Variants in PDZD8 observed in about 807,000 individuals in gnomAD.
PDZD8 encodes the protein PDZ domain-containing protein 8.
A neutral mutation model predicts 85.8 loss-of-function variants in PDZD8; 14 were observed. The ratio of observed to expected loss-of-function variants is 0.16; its 90% CI spans 0.11 to 0.26. PDZD8 has a LOEUF of 0.26. Among genes scored for constraint, PDZD8 ranks in the 10% least tolerant of loss-of-function variants. PDZD8 has a pLI of 1.00. For synonymous variants in PDZD8, 592 were observed against 568.6 expected (o/e 1.04, Z -0.59); for missense variants, 1,197 against 1,424.3 (o/e 0.84, Z 2.57).
At chr10:117,337,671 C>T (rs1399269369) in intron 2 of PDZD8, among the ~76,000 whole-genome samples, 1 of 152,068 alleles carries the variant, frequency 6.6e-6, no homozygotes, top group Non-Finnish European at 1.5e-5. Flanking sequence ...GATACTGCAA[C>T]GATTATCTTG....
At chr10:117,359,681 A>C (rs1844963156) in intron 1 of PDZD8, among the ~76,000 whole-genome samples, 1 of 152,192 alleles carries the variant, frequency 6.6e-6, no homozygotes, top group Non-Finnish European at 1.5e-5. Context: ...ACTACACTCC[A>C]ACCTGGGTGA....
rs1459274426 is a variant in PDZD8 at position 117,375,342 on chromosome 10, C to A, written c.-115G>T. ...CATCGGGCGGCTGGGTCGGGGCGAGCGGCTCCGTGGGCCTCGTCCAGGGGC... is the reference window on the plus strand; with the variant it reads ...CATCGGGCGGCTGGGTCGGGGCGAGAGGCTCCGTGGGCCTCGTCCAGGGGC... On this transcript the variant is annotated 5_prime_UTR_variant, in exon 1 of 5. Transcript: ENST00000334464. 1.0e-5 allele frequency: 10 copies of A among 983,626 alleles called. No homozygotes were observed. Among genetic ancestry groups the A allele is most frequent in the Middle Eastern group, 6.8e-4 (2 of 2,932 alleles). 60.9% of individuals were successfully genotyped at this position (983,626 alleles called of 1,614,324 possible).
chr10:117,297,514 T>A (rs1843776651), intron 3 of PDZD8, among the ~76,000 whole-genome samples: 2 of 152,240 alleles, frequency 1.3e-5, no homozygotes, highest in Middle Eastern at 3.4e-3. Context: ...AGGTGAACTG[T>A]AACACAAATA....
At chr10:117,330,225 A>AT (rs1454976462) in intron 2 of PDZD8, among the ~76,000 whole-genome samples, 1 of 151,890 alleles carries the variant, frequency 6.6e-6, no homozygotes, top group Non-Finnish European at 1.5e-5. Context: ...AAACATCCTC[A>AT]TGCAGAACTC....
rs554140026 is a variant in PDZD8 at position 117,370,874 on chromosome 10, G to A, written c.872+3482C>T. ...AGATATCCCACATATTTACTATATC[G>A]ATGGCATGCTTTTAAAAAATAAATC... On this transcript the variant is annotated intron_variant, in intron 1 of 4. Coordinates refer to ENST00000334464, the MANE Select transcript of PDZD8 (RefSeq NM_173791.5). 1.2e-4 allele frequency among the ~76,000 whole-genome samples: 18 copies of A among 151,114 alleles called. No individual in the cohort carries two copies. In the South Asian group the frequency reaches 3.6e-3, roughly 30 times the overall value.
intron 2 of PDZD8, among the ~76,000 whole-genome samples, chr10:117,339,061 A>G (rs1844564513): frequency 6.6e-6 from 1 of 150,782 alleles, no homozygotes. Context: ...TTAAAAAAAA[A>G]GGGATTCTTT....
chr10:117,334,658 C>G (rs1239167039), intron 2 of PDZD8, among the ~76,000 whole-genome samples: 1 of 151,544 alleles, frequency 6.6e-6, no homozygotes, highest in Non-Finnish European at 1.5e-5. Context: ...AATGAGTGAA[C>G]AGATAGGAAA....
chr10:117,315,769 A>G (rs1844119058), intron 3 of PDZD8, among the ~76,000 whole-genome samples: 1 of 152,146 alleles, frequency 6.6e-6, no homozygotes, highest in Non-Finnish European at 1.5e-5. Flanking sequence ...AACCAGGCAC[A>G]TAATGATTCA....
chr10:117,342,393 T>TACACACAAACACACACAC (rs1844629940), intron 1 of PDZD8, among the ~76,000 whole-genome samples: 1 of 145,578 alleles, frequency 6.9e-6, no homozygotes, highest in Non-Finnish European at 1.5e-5. Flanking sequence ...CACAAACAGA[T>TACACACAAACACACACAC]ACACACACAC....
At chr10:117,290,150 G>A in intron 4 of PDZD8, 36 bp downstream of exon 4, 1 of 1,541,536 alleles carries the variant, frequency 6.5e-7, no homozygotes, top group African/African-American at 1.4e-5. Context: ...TAGTTTATCT[G>A]TAAAGGTAAA....
At chr10:117,324,903 C>A (rs1192630249) in intron 2 of PDZD8, among the ~76,000 whole-genome samples, 1 of 152,146 alleles carries the variant, frequency 6.6e-6, no homozygotes, top group Admixed American at 6.5e-5. Flanking sequence ...ACTTTTTCAT[C>A]CCATCTGATC....
intron 4 of PDZD8, 31 bp downstream of exon 4, chr10:117,290,155 G>C: frequency 7.6e-6 from 12 of 1,570,954 alleles, no homozygotes; most frequent in Non-Finnish European, 1.0e-5. Context: ...TATCTGTAAA[G>C]GTAAAGTATA....
chr10:117,284,315 A>T lies in PDZD8; in HGVS notation c.2418T>A (p.Val806=), dbSNP rs767749521. 5 of 1,614,060 alleles carry T rather than the reference A, an allele frequency of 3.1e-6. No individual in the cohort carries two copies. The Admixed American group carries it at 8.3e-5, about 27-fold the overall frequency. Residue 806 remains valine, a synonymous_variant, in exon 5 of 5, where the codon GTT becomes GTA. Transcript: ENST00000334464. The part of the protein sequence containing the change: ...LKEGESDHHV[V]TNVEKEKEPH... ...GTTCTTTTTCTTTTTCTACGTTAGT[A>T]ACTACATGGTGGTCTGATTCTCCTT...
chr10:117,332,869 G>A (rs1844444422), intron 2 of PDZD8, among the ~76,000 whole-genome samples: 2 of 150,142 alleles, frequency 1.3e-5, no homozygotes, highest in Non-Finnish European at 3.0e-5. Flanking sequence ...TGTAATCCCA[G>A]CACTTTGGGG....
intron 2 of PDZD8, among the ~76,000 whole-genome samples, chr10:117,339,810 A>G (rs1844579559): frequency 1.3e-5 from 2 of 152,142 alleles, no homozygotes; most frequent in Admixed American, 6.6e-5. Context: ...GGGAAGGCCT[A>G]TGTAGCTGAA....
At chr10:117,348,180 C>A (rs1844741561) in intron 1 of PDZD8, among the ~76,000 whole-genome samples, 2 of 152,118 alleles carry the variant, frequency 1.3e-5, no homozygotes, top group African/African-American at 4.8e-5. Flanking sequence ...CTTGTCACTG[C>A]TTTGATGTAT....
chr10:117,290,432 C>A (rs1218984445), intron 3 of PDZD8, 84 bp from the exon 4 acceptor site: 1 of 1,040,886 alleles, frequency 9.6e-7, no homozygotes, highest in Non-Finnish European at 1.4e-6. Flanking sequence ...CTGTTATGTG[C>A]AGAGAGCACC....
chr10:117,283,972 C>T lies in PDZD8; in HGVS notation c.2761G>A (p.Asp921Asn). 9.3e-6 allele frequency: 15 copies of T among 1,614,222 alleles called. No individual in the cohort carries two copies. Among genetic ancestry groups the T allele is most frequent in the Non-Finnish European group, 1.2e-5 (14 of 1,180,038 alleles). The change falls in exon 5 of 5, where the codon GAT becomes AAT. Residue 921 changes from aspartate to asparagine, a missense_variant. This residue lies in a region of PDZD8 where 418 missense variants were observed against 571.1 expected (regional missense o/e 0.73). Coordinates refer to ENST00000334464, the MANE Select transcript of PDZD8 (RefSeq NM_173791.5). The part of the protein sequence containing the change: ...ETLLGLPPRV[D>N]AEASKSVNKT... ...TTGACTGACTTGCTAGCTTCAGCAT[C>T]AACACGAGGAGGCAGGCCTAAGAGG...
At chr10:117,301,619 T>C (rs957799078) in intron 3 of PDZD8, among the ~76,000 whole-genome samples, 2 of 152,204 alleles carry the variant, frequency 1.3e-5, no homozygotes, top group African/African-American at 4.8e-5. Flanking sequence ...TCAATTTGTT[T>C]ATGGTTAAAG....
Sources: allele counts gnomAD v4.1 joint callset (sites outside exome capture counted in the v4.1 genomes callset), GRCh38; gene constraint gnomAD v4.1.1; regional missense constraint gnomAD v4.1.1; transcripts MANE v1.5; gene names NCBI Gene and HGNC (gene_info 2026-07-23, HGNC 2026-07-21).